Variants in CA10 observed in about 807,000 individuals in gnomAD.
CA10 encodes the protein carbonic anhydrase 10 (inactive), also known as carbonic anhydrase-related protein 10.
A neutral mutation model predicts 44.2 loss-of-function variants in CA10; 14 were observed. The ratio of observed to expected loss-of-function variants is 0.32; its 90% confidence interval spans 0.21 to 0.50. CA10 has a LOEUF of 0.50. Among genes scored for constraint, CA10 ranks in the 20% least tolerant of loss-of-function variants. The pLI is 0.99. For synonymous variants in CA10, 159 were observed against 141.6 expected, an observed-to-expected ratio of 1.12 and a Z score of -0.87; for missense variants, 350 against 409.7, an observed-to-expected ratio of 0.85 and a Z score of 1.26.
At chr17:51,641,177 C>T (rs1305667435) in intron 6 of CA10, among the ~76,000 whole-genome samples, 2 of 151,416 alleles carry the variant, frequency 1.3e-5, no homozygotes, top group Admixed American at 1.3e-4. Context: ...CTCTCTCTCT[C>T]TCTCATATCT....
At chr17:52,132,829 A>C (rs779244059) in intron 1 of CA10, among the ~76,000 whole-genome samples, 1 of 152,134 alleles carries the variant, frequency 6.6e-6, no homozygotes, top group Non-Finnish European at 1.5e-5. Context: ...TGGGGTACAA[A>C]CTGGGGACTT....
intron 3 of CA10, among the ~76,000 whole-genome samples, chr17:51,921,894 G>C (rs1324303926): frequency 1.3e-5 from 2 of 152,106 alleles, no homozygotes; most frequent in Non-Finnish European, 2.9e-5. Flanking sequence ...TTGGGTTTGG[G>C]GTACTAGCGA....
At chr17:52,118,788 A>C (rs1485086823) in intron 1 of CA10, among the ~76,000 whole-genome samples, 2 of 152,104 alleles carry the variant, frequency 1.3e-5, no homozygotes, top group African/African-American at 4.8e-5. Context: ...TTTCTTTGTC[A>C]ATCGTGTTTT....
intron 6 of CA10, among the ~76,000 whole-genome samples, chr17:51,643,321 C>A (rs985754616): frequency 1.3e-5 from 2 of 152,114 alleles, no homozygotes; most frequent in South Asian, 4.1e-4. Context: ...TTCCAATACA[C>A]TACGTTAAAA....
intron 3 of CA10, among the ~76,000 whole-genome samples, chr17:51,778,079 A>C (rs564590494): frequency 6.6e-6 from 1 of 152,336 alleles, no homozygotes; most frequent in African/African-American, 2.4e-5. Context: ...TTGCTCTCCG[A>C]GTCCAAGTAC....
intron 2 of CA10, among the ~76,000 whole-genome samples, chr17:51,989,658 G>A (rs901337955): frequency 6.6e-6 from 1 of 152,044 alleles, no homozygotes; most frequent in African/African-American, 2.4e-5. Flanking sequence ...ACAGGGACAT[G>A]GATGGAGTTG....
At chr17:51,688,053 C>CT (rs1226219606) in intron 4 of CA10, among the ~76,000 whole-genome samples, 2 of 152,262 alleles carry the variant, frequency 1.3e-5, no homozygotes, top group East Asian at 3.9e-4. Context: ...GGATCACCTG[C>CT]TTTGGGGGGA....
chr17:51,950,259 CT>C (rs1983431070), intron 2 of CA10, among the ~76,000 whole-genome samples: 1 of 152,148 alleles, frequency 6.6e-6, no homozygotes, highest in Non-Finnish European at 1.5e-5. Flanking sequence ...CTCTGACCCT[CT>C]GTCTCCTCTT....
chr17:52,103,071 A>G (rs901375325), intron 1 of CA10, among the ~76,000 whole-genome samples: 1 of 152,032 alleles, frequency 6.6e-6, no homozygotes, highest in Non-Finnish European at 1.5e-5. Flanking sequence ...TAAGGTAATC[A>G]TGAGAATAAC....
intron 4 of CA10, among the ~76,000 whole-genome samples, chr17:51,714,734 C>T (rs1245569742): frequency 3.9e-5 from 6 of 152,108 alleles, no homozygotes; most frequent in Non-Finnish European, 8.8e-5. Flanking sequence ...GAATTACAGA[C>T]AAAAGAAATC....
At chr17:51,835,245 T>G (rs1483058872) in intron 3 of CA10, among the ~76,000 whole-genome samples, 11 of 152,146 alleles carry the variant, frequency 7.2e-5, no homozygotes, top group Non-Finnish European at 1.5e-4. Context: ...GAGCGATACA[T>G]GCTGGGTACA....
chr17:52,140,243 T>G (rs901817472), intron 1 of CA10, among the ~76,000 whole-genome samples: 4 of 152,206 alleles, frequency 2.6e-5, no homozygotes, highest in Admixed American at 1.3e-4. Context: ...TTAATGTACT[T>G]CAATAAAAGT....
chr17:51,641,651 G>A (rs185320425), intron 6 of CA10, among the ~76,000 whole-genome samples: 5 of 152,272 alleles, frequency 3.3e-5, no homozygotes, highest in African/African-American at 1.2e-4. Context: ...ATGAACCTGT[G>A]ATTTATCTTA....
chr17:51,966,042 C>A (rs1399445236), intron 2 of CA10, among the ~76,000 whole-genome samples: 1 of 151,894 alleles, frequency 6.6e-6, no homozygotes, highest in Non-Finnish European at 1.5e-5. Context: ...AGTCAACATA[C>A]AAAAATCAGT....
chr17:52,025,972 G>A (rs1449720443), intron 2 of CA10, among the ~76,000 whole-genome samples: 1 of 151,912 alleles, frequency 6.6e-6, no homozygotes, highest in Non-Finnish European at 1.5e-5. Flanking sequence ...TAGTATATAT[G>A]TATAATGTGT....
At chr17:51,803,979 C>A (rs1332057706) in intron 3 of CA10, among the ~76,000 whole-genome samples, 1 of 152,190 alleles carries the variant, frequency 6.6e-6, no homozygotes, top group African/African-American at 2.4e-5. Context: ...CTTGGATACT[C>A]ACTGGCCGTG....
chr17:52,026,207 T>C lies in CA10; in HGVS notation c.136+46112A>G, dbSNP rs151084561. On this transcript the variant is annotated intron_variant, in intron 2 of 8. Transcript: ENST00000451037. The stretch of plus-strand genomic sequence containing the variant: ...TCCACTGAGGTGGAACAGAGTGACA[T>C]GGGTTAGGGGCCCCATGCAGCTGAG... Among the ~76,000 whole-genome samples the C allele has an allele frequency of 1.0e-3, 155 of 152,178 alleles. 3 individuals carry two copies. The East Asian group carries it at 0.024, about 24-fold the overall frequency.
chr17:51,682,529 C>T (rs1914880326), intron 4 of CA10, among the ~76,000 whole-genome samples: 1 of 152,108 alleles, frequency 6.6e-6, no homozygotes. Context: ...TACTCCTGCT[C>T]CCTGGATAAA....
At position 51,631,436 on chromosome 17, in the gene CA10, A is replaced by G; in HGVS notation, c.*148T>C. 1.3e-6 allele frequency: 1 copy of G among 769,802 alleles called. No individual in the cohort carries two copies. The highest frequency in any genetic ancestry group is 2.1e-5 in the Admixed American group (1 of 48,244). 47.7% of individuals were successfully genotyped at this position (769,802 alleles called of 1,614,324 possible). A position where few individuals can be genotyped will look rare whatever the true frequency, so the allele number is the denominator to read the frequency against. On this transcript the variant is annotated 3_prime_UTR_variant, in exon 9 of 9. Transcript: ENST00000451037. Reference sequence around the variant, plus strand: ...GTATTCCTCTGCCATGGTTTTGCAGACACTTTTCATGAAGAAAGGGCCAAT... The same window carrying G: ...GTATTCCTCTGCCATGGTTTTGCAGGCACTTTTCATGAAGAAAGGGCCAAT...
Sources: allele counts gnomAD v4.1 joint callset (sites outside exome capture counted in the v4.1 genomes callset), GRCh38; gene constraint gnomAD v4.1.1; transcripts MANE v1.5; gene names NCBI Gene and HGNC (gene_info 2026-07-23, HGNC 2026-07-21).